Variants in WDPCP observed in about 807,000 individuals in gnomAD.
WDPCP encodes WD repeat-containing and planar cell polarity effector protein fritz homolog.
A neutral mutation model predicts 93.1 loss-of-function variants in WDPCP; 71 were observed. The observed-to-expected ratio is 0.76, with a 90% CI of 0.63 to 0.93. The LOEUF (loss-of-function observed/expected upper bound fraction) is 0.93, where lower values mean the gene tolerates loss of function less well. Ranked by LOEUF, WDPCP falls within the 40% of genes least tolerant of loss-of-function variation. The probability of loss-of-function intolerance (pLI) is 0.00; values close to 1 mark genes in which losing one functional copy is unlikely to be tolerated. For missense variants in WDPCP, 844 were observed against 887.4 expected (o/e 0.95, Z 0.62); for synonymous variants, 315 against 315.0 (o/e 1.00, Z 0.00).
intron 6 of WDPCP, chr2:63,440,950 G>T (rs2105532238): frequency 6.6e-6 from 1 of 152,298 alleles, no homozygotes; most frequent in African/African-American, 2.4e-5. Context: ...TGAGGGACCA[G>T]GGTAATATAA....
At chr2:63,371,856 C>T (rs1691423644) in intron 12 of WDPCP, among the ~76,000 whole-genome samples, 1 of 152,180 alleles carries the variant, frequency 6.6e-6, no homozygotes, top group Admixed American at 6.5e-5. Flanking sequence ...TCATCTAATA[C>T]TTCCTAGCCC....
intron 2 of WDPCP, among the ~76,000 whole-genome samples, chr2:63,732,371 C>T (rs1669574001): frequency 6.6e-6 from 1 of 152,048 alleles, no homozygotes; most frequent in African/African-American, 2.4e-5. Flanking sequence ...TCCACCCTGG[C>T]CAAGATGAAA....
intron 2 of WDPCP, among the ~76,000 whole-genome samples, chr2:63,749,072 C>G (rs1669840250): frequency 1.3e-5 from 2 of 152,054 alleles, no homozygotes; most frequent in African/African-American, 4.8e-5. Flanking sequence ...TGCTAAAGGT[C>G]AAGGATATTT....
chr2:63,616,870 T>C (rs1270830301), intron 3 of WDPCP, among the ~76,000 whole-genome samples: 1 of 152,216 alleles, frequency 6.6e-6, no homozygotes, highest in Admixed American at 6.5e-5. Context: ...ATGCTTTTTT[T>C]TAATTGAAGT....
chr2:63,397,997 G>A (rs1693867624), intron 10 of WDPCP, among the ~76,000 whole-genome samples: 1 of 152,114 alleles, frequency 6.6e-6, no homozygotes, highest in Non-Finnish European at 1.5e-5. Context: ...GGCCGGGGAG[G>A]GTGACAAAGT....
intron 14 of WDPCP, among the ~76,000 whole-genome samples, chr2:63,224,525 T>C (rs1678113827): frequency 6.6e-6 from 1 of 152,058 alleles, no homozygotes; most frequent in Non-Finnish European, 1.5e-5. Context: ...TAAACTGTGG[T>C]ACATTTAGAT....
chr2:63,194,091 T>C (rs1675238162), intron 14 of WDPCP, among the ~76,000 whole-genome samples: 1 of 152,206 alleles, frequency 6.6e-6, no homozygotes, highest in Non-Finnish European at 1.5e-5. Context: ...TATGGAATTA[T>C]TACAAACCTT....
chr2:63,807,377 C>T (rs1157790938), intron 2 of WDPCP, among the ~76,000 whole-genome samples: 3 of 152,128 alleles, frequency 2.0e-5, no homozygotes, highest in South Asian at 2.1e-4. Flanking sequence ...TGTGACACCT[C>T]CCCATCTCTC....
intron 14 of WDPCP, among the ~76,000 whole-genome samples, chr2:63,181,511 G>A (rs1674238689): frequency 6.6e-6 from 1 of 152,002 alleles, no homozygotes; most frequent in African/African-American, 2.4e-5. Flanking sequence ...GTAGGTATAT[G>A]GCTTTATTTC....
At chr2:63,494,387 CCAAA>C (rs1701090695) in intron 1 of WDPCP, among the ~76,000 whole-genome samples, 1 of 152,044 alleles carries the variant, frequency 6.6e-6, no homozygotes, top group Non-Finnish European at 1.5e-5. Context: ...CTTACTTGTT[CCAAA>C]CATTTTACAT....
chr2:63,630,760 C>A (rs527676140), intron 3 of WDPCP, among the ~76,000 whole-genome samples: 6 of 152,316 alleles, frequency 3.9e-5, no homozygotes, highest in African/African-American at 1.4e-4. Flanking sequence ...ACAACATCAA[C>A]CAACAGAATT....
At chr2:63,554,760 T>C (rs1047324101) in intron 1 of WDPCP, among the ~76,000 whole-genome samples, 3 of 152,206 alleles carry the variant, frequency 2.0e-5, no homozygotes, top group Non-Finnish European at 4.4e-5. Flanking sequence ...AAAATGGTGA[T>C]TGAGTCCTGA....
chr2:63,221,053 T>C (rs1047933024), intron 14 of WDPCP, among the ~76,000 whole-genome samples: 7 of 152,234 alleles, frequency 4.6e-5, no homozygotes, highest in African/African-American at 1.7e-4. Context: ...TATGGCTGTA[T>C]AGTATTCCAT....
At chr2:63,369,269 G>C in intron 12 of WDPCP, 3 of 372,994 alleles carry the variant, frequency 8.0e-6, no homozygotes, top group Non-Finnish European at 1.1e-5. Context: ...AGTGAATATA[G>C]GCACTGTATG....
At chr2:63,242,833 A>G (rs1679966050) in intron 14 of WDPCP, among the ~76,000 whole-genome samples, 1 of 152,164 alleles carries the variant, frequency 6.6e-6, no homozygotes, top group South Asian at 2.1e-4. Flanking sequence ...TTGTAGCCTG[A>G]ACAAGATAGG....
intron 8 of WDPCP, among the ~76,000 whole-genome samples, chr2:63,434,441 A>C (rs1253498718): frequency 6.6e-6 from 1 of 152,212 alleles, no homozygotes; most frequent in East Asian, 1.9e-4. Context: ...GGGATAAGCC[A>C]CAGCATCATG....
intron 3 of WDPCP, chr2:63,605,821 T>C (rs1709516321): frequency 3.6e-6 from 3 of 833,998 alleles, no homozygotes; most frequent in Non-Finnish European, 6.2e-6. Flanking sequence ...GATAGTTCCT[T>C]ACACAGTAAT....
Position 63,313,313 on chromosome 2 carries a change from T to A in WDPCP, c.1749-2A>T. On this transcript the variant is annotated splice_acceptor_variant, in intron 12 of 17. Transcript: ENST00000272321. LOFTEE classifies it high-confidence loss of function. The stretch of plus-strand genomic sequence containing the variant: ...AATGCCTTTTCAAACCTCTGGTACC[T>A]ACAAGGCAGAAAAAAATATTATGTT... The A allele has an allele frequency of 6.2e-7, 1 of 1,613,068 alleles. No individual in the cohort carries two copies. The highest frequency in any genetic ancestry group is 8.5e-7 in the Non-Finnish European group (1 of 1,179,284).
chr2:63,196,681 G>A (rs147718273), intron 14 of WDPCP, among the ~76,000 whole-genome samples: 2 of 152,244 alleles, frequency 1.3e-5, no homozygotes, highest in Non-Finnish European at 2.9e-5. Context: ...CAAGTTCTCA[G>A]CCACCATTAA....
Sources: gnomAD v4.1 joint callset for allele counts (sites outside exome capture counted in the v4.1 genomes callset) on GRCh38, gnomAD v4.1.1 for gene constraint, MANE v1.5 for transcripts, NCBI Gene and HGNC (gene_info 2026-07-23, HGNC 2026-07-21) for gene names.